The following EXOC4 variants were observed in gnomAD, a reference collection of about 807,000 sequenced individuals.
EXOC4 encodes the protein exocyst complex component 4.
A neutral mutation model predicts 107.2 loss-of-function variants in EXOC4; 71 were observed. That is an observed-to-expected ratio of 0.66 (90% CI 0.55 to 0.81). The LOEUF (loss-of-function observed/expected upper bound fraction) is 0.81, where lower values mean the gene tolerates loss of function less well. Ranked by LOEUF, EXOC4 falls within the 30% of genes least tolerant of loss-of-function variation. The pLI is 0.00. For missense variants in EXOC4, 1,108 were observed against 1,189.6 expected (o/e 0.93, Z 1.01); for synonymous variants, 456 against 441.2 (o/e 1.03, Z -0.42).
chr7:133,742,711 GT>G (rs1795591663), intron 10 of EXOC4, among the ~76,000 whole-genome samples: 1 of 152,082 alleles, frequency 6.6e-6, no homozygotes, highest in South Asian at 2.1e-4. Flanking sequence ...TTTTTGGTTT[GT>G]TTTTCCCCCC....
At chr7:133,954,780 A>G (rs2346266) in intron 14 of EXOC4, among the ~76,000 whole-genome samples, 45,566 of 151,954 alleles carry the variant, frequency 0.3, 7,209 homozygotes, top group Non-Finnish European at 0.34. Flanking sequence ...GAGCAGCAAG[A>G]GGGGTGTGAG....
At chr7:134,074,756 T>C in the EXOC4 span, among the ~76,000 whole-genome samples, 1 of 152,150 alleles carries the variant, frequency 6.6e-6, no homozygotes, top group Non-Finnish European at 1.5e-5. Flanking sequence ...GACATGAATG[T>C]CGCATGGAAA....
chr7:133,563,039 A>G (rs778189674), intron 9 of EXOC4, among the ~76,000 whole-genome samples: 3 of 152,206 alleles, frequency 2.0e-5, no homozygotes, highest in African/African-American at 2.4e-5. Flanking sequence ...TTTAAAATGT[A>G]TATTTCAGGC....
At chr7:133,487,195 G>T (rs993749) in intron 9 of EXOC4, among the ~76,000 whole-genome samples, 1 of 152,206 alleles carries the variant, frequency 6.6e-6, no homozygotes, top group South Asian at 2.1e-4. Context: ...TCACAAAGCC[G>T]ATTACTCAGT....
intron 9 of EXOC4, chr7:133,601,985 C>T (rs1801818713): frequency 6.6e-6 from 1 of 152,252 alleles, no homozygotes; most frequent in African/African-American, 2.4e-5. Context: ...TGCACCTGCC[C>T]ACCCAGCTGG....
chr7:133,474,695 G>C (rs766762148), intron 7 of EXOC4, among the ~76,000 whole-genome samples: 1 of 151,996 alleles, frequency 6.6e-6, no homozygotes, highest in African/African-American at 2.4e-5. Context: ...TTCTTTGTAG[G>C]TCAGGACTTC....
At chr7:133,787,955 T>TTATTTATATATA (rs1796612265) in intron 10 of EXOC4, among the ~76,000 whole-genome samples, 1 of 31,646 alleles carries the variant, frequency 3.2e-5, no homozygotes, top group African/African-American at 9.8e-5. Flanking sequence ...GTGCATATAT[T>TTATTTATATATA]TATATATTTA....
chr7:133,476,463 T>C (rs1256195908), intron 8 of EXOC4, among the ~76,000 whole-genome samples: 1 of 152,164 alleles, frequency 6.6e-6, no homozygotes, highest in African/African-American at 2.4e-5. Context: ...CACTGAAGTA[T>C]CCCAGTATAT....
At chr7:133,564,630 C>T (rs964177062) in intron 9 of EXOC4, among the ~76,000 whole-genome samples, 4 of 152,098 alleles carry the variant, frequency 2.6e-5, no homozygotes, top group African/African-American at 9.7e-5. Context: ...CCTAAGTAAA[C>T]CTCTTTTAGT....
At chr7:133,760,010 A>G (rs573896001) in intron 10 of EXOC4, among the ~76,000 whole-genome samples, 17 of 152,322 alleles carry the variant, frequency 1.1e-4, no homozygotes, top group African/African-American at 3.8e-4. Context: ...AGTTTGGCCA[A>G]TGATGAAATG....
chr7:134,067,625 TTATA>T (rs57518105), downstream of EXOC4, among the ~76,000 whole-genome samples: 2,702 of 130,734 alleles, frequency 0.021, 42 homozygotes, highest in East Asian at 0.03. Context: ...GACCCAACTC[TTATA>T]TATATATATA....
chr7:133,310,419 T>C (rs1794845091), intron 4 of EXOC4, among the ~76,000 whole-genome samples: 3 of 152,232 alleles, frequency 2.0e-5, no homozygotes, highest in African/African-American at 7.2e-5. Context: ...AATAACATTG[T>C]GTCCTTCAAG....
chr7:133,595,508 G>C (rs1801646923), intron 9 of EXOC4, among the ~76,000 whole-genome samples: 2 of 152,048 alleles, frequency 1.3e-5, no homozygotes, highest in Non-Finnish European at 2.9e-5. Flanking sequence ...TGCTTATTTT[G>C]TTTTGTGTGT....
chr7:133,497,980 T>C (rs1799510585), intron 9 of EXOC4, among the ~76,000 whole-genome samples: 2 of 152,072 alleles, frequency 1.3e-5, no homozygotes, highest in South Asian at 4.2e-4. Context: ...ACGTTTGTAG[T>C]TATAGGTATA....
intron 14 of EXOC4, among the ~76,000 whole-genome samples, chr7:133,995,227 A>C (rs1009600248): frequency 4.6e-5 from 7 of 152,220 alleles, no homozygotes; most frequent in African/African-American, 1.7e-4. Flanking sequence ...ATGATAAAAT[A>C]ATGTATTTAC....
intron 9 of EXOC4, among the ~76,000 whole-genome samples, chr7:133,571,011 T>G (rs554734862): frequency 1.3e-5 from 2 of 152,342 alleles, no homozygotes; most frequent in African/African-American, 4.8e-5. Context: ...GCAACCTGGG[T>G]GGCCTTATCT....
intron 12 of EXOC4, among the ~76,000 whole-genome samples, chr7:133,909,325 CAATA>C (rs1474941717): frequency 4.6e-5 from 7 of 152,048 alleles, no homozygotes; most frequent in African/African-American, 1.7e-4. Flanking sequence ...TGGAAATAAA[CAATA>C]AATTTCTCAT....
intron 11 of EXOC4, among the ~76,000 whole-genome samples, chr7:133,847,946 T>A (rs1798166652): frequency 7.0e-6 from 1 of 143,002 alleles, no homozygotes; most frequent in South Asian, 2.3e-4. Context: ...GCCAGGCTGG[T>A]CTCAAACTCC....
chr7:134,036,772 T>C (rs1672400598), intron 17 of EXOC4, among the ~76,000 whole-genome samples: 1 of 152,224 alleles, frequency 6.6e-6, no homozygotes, highest in African/African-American at 2.4e-5. Flanking sequence ...AAAGTTTCCT[T>C]GTTTTGCTTG....
Sources: allele counts gnomAD v4.1 joint callset (sites outside exome capture counted in the v4.1 genomes callset), GRCh38; gene constraint gnomAD v4.1.1; transcripts MANE v1.5; gene names NCBI Gene and HGNC (gene_info 2026-07-23, HGNC 2026-07-21).